The following LIMCH1 variants were observed in gnomAD, a reference collection of about 807,000 sequenced individuals.
The protein encoded by LIMCH1 is LIM and calponin homology domains-containing protein 1.
In LIMCH1, 113 loss-of-function variants were observed where a neutral mutation model predicts 176.5. The observed-to-expected ratio is 0.64, with a 90% CI of 0.55 to 0.75. LIMCH1 has a LOEUF of 0.75. Among genes scored for constraint, LIMCH1 ranks in the 30% least tolerant of loss-of-function variants. The pLI is 0.00. For missense variants in LIMCH1, 1,674 were observed against 1,814.9 expected, an observed-to-expected ratio of 0.92 and a Z score of 1.41; for synonymous variants, 619 against 645.9, an observed-to-expected ratio of 0.96 and a Z score of 0.63.
At chr4:41,656,959 G>T (rs543107990) in intron 18 of LIMCH1, among the ~76,000 whole-genome samples, 2 of 152,164 alleles carry the variant, frequency 1.3e-5, no homozygotes, top group East Asian at 3.9e-4. Context: ...TCGTTCTCTG[G>T]GCCAGTCCAC....
At chr4:41,426,016 T>G (rs2154133418) in intron 1 of LIMCH1, among the ~76,000 whole-genome samples, 1 of 144,466 alleles carries the variant, frequency 6.9e-6, no homozygotes, top group South Asian at 2.2e-4. Context: ...GTGAAAAGAT[T>G]CTTTTTTTTT....
At chr4:41,656,075 G>A (rs988301120) in intron 18 of LIMCH1, among the ~76,000 whole-genome samples, 10 of 152,120 alleles carry the variant, frequency 6.6e-5, no homozygotes, top group Admixed American at 6.6e-5. Context: ...CTCACCTATT[G>A]GGTATCTAAA....
At chr4:41,504,865 G>A (rs1030375472) in intron 2 of LIMCH1, among the ~76,000 whole-genome samples, 1 of 152,164 alleles carries the variant, frequency 6.6e-6, no homozygotes, top group Non-Finnish European at 1.5e-5. Context: ...CTATGAAATT[G>A]TGTCAATAGA....
intron 29 of LIMCH1, among the ~76,000 whole-genome samples, chr4:41,689,080 T>G (rs547827077): frequency 6.6e-6 from 1 of 152,300 alleles, no homozygotes; most frequent in African/African-American, 2.4e-5. Context: ...AAAAATGTTG[T>G]TTTCTTAATA....
chr4:41,401,766 T>TC (rs1462979434), intron 1 of LIMCH1, among the ~76,000 whole-genome samples: 1 of 152,218 alleles, frequency 6.6e-6, no homozygotes, highest in African/African-American at 2.4e-5. Flanking sequence ...TAAGCTGGAT[T>TC]CCTAAGTATT....
intron 1 of LIMCH1, among the ~76,000 whole-genome samples, chr4:41,470,656 T>G (rs1206019282): frequency 2.6e-5 from 4 of 152,204 alleles, no homozygotes; most frequent in Non-Finnish European, 5.9e-5. Context: ...CAATTCCCAG[T>G]TCTCATCTTA....
At chr4:41,676,563 T>C in intron 23 of LIMCH1, 101 bp downstream of exon 23, 1 of 868,874 alleles carries the variant, frequency 1.2e-6, no homozygotes, top group Non-Finnish European at 1.9e-6. Context: ...TGGAATCAAG[T>C]TATTCTCGGA....
intron 1 of LIMCH1, among the ~76,000 whole-genome samples, chr4:41,478,022 T>C (rs1408414587): frequency 6.6e-6 from 1 of 152,218 alleles, no homozygotes; most frequent in Non-Finnish European, 1.5e-5. Flanking sequence ...CCACAGTGTT[T>C]TCTGAGTACA....
At chr4:41,600,695 T>C (rs2152751807) in intron 2 of LIMCH1, among the ~76,000 whole-genome samples, 1 of 152,252 alleles carries the variant, frequency 6.6e-6, no homozygotes, top group Middle Eastern at 3.4e-3. Context: ...GCAGGCCCCA[T>C]GTATTCATCT....
chr4:41,630,694 C>T (rs1035782852), intron 9 of LIMCH1, among the ~76,000 whole-genome samples: 2 of 152,128 alleles, frequency 1.3e-5, no homozygotes, highest in Non-Finnish European at 2.9e-5. Context: ...TACAGTCTTC[C>T]CTCAGTATCC....
intron 1 of LIMCH1, among the ~76,000 whole-genome samples, chr4:41,411,663 G>A (rs558190414): frequency 8.3e-4 from 111 of 133,030 alleles, no homozygotes; most frequent in African/African-American, 2.4e-3. Flanking sequence ...AGCTTTTAGG[G>A]AAAAAAAAAA....
intron 8 of LIMCH1, among the ~76,000 whole-genome samples, chr4:41,627,364 C>G (rs941332031): frequency 6.6e-6 from 1 of 152,068 alleles, no homozygotes; most frequent in Non-Finnish European, 1.5e-5. Context: ...TAGACATGTA[C>G]TATTGCCTAT....
chr4:41,611,374 T>A (rs2091393777), intron 4 of LIMCH1, among the ~76,000 whole-genome samples: 1 of 152,210 alleles, frequency 6.6e-6, no homozygotes, highest in African/African-American at 2.4e-5. Flanking sequence ...CAGCAACACA[T>A]AACTATATTT....
intron 1 of LIMCH1, among the ~76,000 whole-genome samples, chr4:41,595,750 T>A (rs1461982688): frequency 6.6e-6 from 1 of 152,188 alleles, no homozygotes; most frequent in Non-Finnish European, 1.5e-5. Flanking sequence ...GTAAATTTTT[T>A]AAAGCCTTTT....
intron 3 of LIMCH1, among the ~76,000 whole-genome samples, chr4:41,529,226 C>T (rs1335167530): frequency 6.6e-6 from 1 of 152,122 alleles, no homozygotes; most frequent in Non-Finnish European, 1.5e-5. Flanking sequence ...TGTTTCATCC[C>T]AGGAGCTTTA....
At chr4:41,545,961 G>A (rs1209659121) in intron 1 of LIMCH1, among the ~76,000 whole-genome samples, 1 of 152,036 alleles carries the variant, frequency 6.6e-6, no homozygotes, top group Non-Finnish European at 1.5e-5. Flanking sequence ...AATGCTTTAT[G>A]AAAACAAGAA....
intron 2 of LIMCH1, among the ~76,000 whole-genome samples, chr4:41,507,136 A>G (rs1341808306): frequency 6.6e-6 from 1 of 152,234 alleles, no homozygotes; most frequent in East Asian, 1.9e-4. Flanking sequence ...GCCAAATGGA[A>G]GATGCAGAGG....
chr4:41,383,280 T>C (rs983300759), intron 1 of LIMCH1, among the ~76,000 whole-genome samples: 6 of 152,244 alleles, frequency 3.9e-5, no homozygotes, highest in Admixed American at 2.0e-4. Flanking sequence ...TCTTGAAGCA[T>C]GTGGTCTAGT....
intron 14 of LIMCH1, among the ~76,000 whole-genome samples, chr4:41,642,660 G>A (rs576459330): frequency 1.3e-5 from 2 of 151,954 alleles, no homozygotes; most frequent in South Asian, 4.2e-4. Context: ...CCAGGTTCAA[G>A]CCATCCTCCT....
Sources: gnomAD v4.1 joint callset for allele counts (sites outside exome capture counted in the v4.1 genomes callset) on GRCh38, gnomAD v4.1.1 for gene constraint, MANE v1.5 for transcripts, NCBI Gene and HGNC (gene_info 2026-07-23, HGNC 2026-07-21) for gene names.